RPS6KA2: variants seen among roughly 807,000 people sequenced by gnomAD.
The protein encoded by RPS6KA2 is ribosomal protein S6 kinase alpha-2.
RPS6KA2 carries 42 observed loss-of-function variants against 91.8 expected under a neutral mutation model. The ratio of observed to expected loss-of-function variants is 0.46; its 90% CI spans 0.36 to 0.59. The LOEUF (loss-of-function observed/expected upper bound fraction) is 0.59, where lower values mean the gene tolerates loss of function less well. Ranked by LOEUF, RPS6KA2 falls within the 20% of genes least tolerant of loss-of-function variation. RPS6KA2 has a pLI of 0.00. For synonymous variants in RPS6KA2, 414 were observed against 393.6 expected, an observed-to-expected ratio of 1.05 and a Z score of -0.61; for missense variants, 798 against 978.5, an observed-to-expected ratio of 0.82 and a Z score of 2.46.
At chr6:166,828,313 C>A (rs561580773) in intron 2 of RPS6KA2, among the ~76,000 whole-genome samples, 1 of 152,296 alleles carries the variant, frequency 6.6e-6, no homozygotes, top group East Asian at 1.9e-4. Context: ...GCCCTCCTTT[C>A]CCCTTCCTCC....
At chr6:166,525,792 T>G (rs1400673463) in intron 3 of RPS6KA2, among the ~76,000 whole-genome samples, 3 of 152,338 alleles carry the variant, frequency 2.0e-5, no homozygotes. Context: ...GCTGTTACCA[T>G]GCGTTCCTTC....
chr6:166,594,629 A>G (rs1237378485), intron 1 of RPS6KA2, among the ~76,000 whole-genome samples: 6 of 152,008 alleles, frequency 3.9e-5, no homozygotes, highest in African/African-American at 1.5e-4. Context: ...TGCCCAGCTA[A>G]TTTTTTGTAT....
chr6:166,710,054 C>T (rs900577509), intron 2 of RPS6KA2, among the ~76,000 whole-genome samples: 5 of 152,192 alleles, frequency 3.3e-5, no homozygotes, highest in Non-Finnish European at 5.9e-5. Flanking sequence ...CAAATTGATG[C>T]AACTTAGGTT....
intron 1 of RPS6KA2, among the ~76,000 whole-genome samples, chr6:166,568,477 C>T (rs1266007804): frequency 2.0e-5 from 3 of 151,892 alleles, no homozygotes; most frequent in Admixed American, 6.6e-5. Context: ...ATTAGCCGGT[C>T]GTGGTGGCAG....
intron 2 of RPS6KA2, among the ~76,000 whole-genome samples, chr6:166,638,511 A>G (rs925703994): frequency 4.6e-5 from 7 of 152,274 alleles, no homozygotes; most frequent in Non-Finnish European, 8.8e-5. Flanking sequence ...CATTTATTAA[A>G]GAGCAAATTA....
chr6:166,786,180 C>G (rs1248581477), intron 2 of RPS6KA2, among the ~76,000 whole-genome samples: 2 of 152,126 alleles, frequency 1.3e-5, no homozygotes. Flanking sequence ...GGTGAACAGT[C>G]TCCTTTTATT....
At chr6:166,843,804 G>A (rs1316075238) in intron 2 of RPS6KA2, among the ~76,000 whole-genome samples, 1 of 152,116 alleles carries the variant, frequency 6.6e-6, no homozygotes, top group East Asian at 1.9e-4. Flanking sequence ...CTCAGACATA[G>A]TCTACCCAAA....
At chr6:166,520,067 G>A (rs560224800) in intron 3 of RPS6KA2, among the ~76,000 whole-genome samples, 1 of 152,146 alleles carries the variant, frequency 6.6e-6, no homozygotes, top group Non-Finnish European at 1.5e-5. Flanking sequence ...AAAAGCAGTG[G>A]GAGAGGAATC....
At chr6:166,847,580 G>T (rs1305016658) in intron 2 of RPS6KA2, among the ~76,000 whole-genome samples, 1 of 152,120 alleles carries the variant, frequency 6.6e-6, no homozygotes, top group Admixed American at 6.5e-5. Context: ...AAATGGAAGA[G>T]AATAGAGAAT....
At position 166,666,811 on chromosome 6, in the gene RPS6KA2, T is replaced by C. The variant is rs6935306; in HGVS notation, c.124-128027A>G. ...GGAAAGCAGAGCCTCAAAGAGACAT[T>C]TGTACACTCACATTCATAGCAGCAT... On this transcript the variant is annotated intron_variant, in intron 2 of 21. Coordinates refer to the RPS6KA2 transcript ENST00000503859. This position sits in a 1 kb window ranked among gnomAD's most constrained non-coding sequence, Gnocchi z 4.0. Among the ~76,000 whole-genome samples the C allele has an allele frequency of 0.14, 21,227 of 152,120 alleles. 1,704 individuals are homozygous for C. The highest frequency in any genetic ancestry group is 0.22 in the African/African-American group (9,099 of 41,454).
intron 2 of RPS6KA2, among the ~76,000 whole-genome samples, chr6:166,632,727 C>T (rs567168713): frequency 1.3e-5 from 2 of 152,170 alleles, no homozygotes; most frequent in South Asian, 4.1e-4. Flanking sequence ...AGGAGAAAGA[C>T]CAGAAGACAG....
In RPS6KA2 at chr6:166,530,004, G is replaced by T. The variant is rs1256112965; in HGVS notation, c.298+1228C>A. 4.6e-5 allele frequency among the ~76,000 whole-genome samples: 7 copies of T among 152,210 alleles called. No homozygotes were observed. In the South Asian group the frequency reaches 1.4e-3, roughly 32 times the overall value. ...TGTATACTTAAGTGGTTTAAAGTCT[G>T]TACATATTTGGTCTATGCATTTTTT... On this transcript the variant is annotated intron_variant, in intron 3 of 20. Transcript: ENST00000265678.
chr6:166,862,053 G>A (rs1444824236), intron 1 of RPS6KA2: 24 of 1,610,816 alleles, frequency 1.5e-5, no homozygotes, highest in Non-Finnish European at 2.0e-5. Flanking sequence ...TGCATTGGCT[G>A]CAGAGTTCGG....
rs149954808 is a variant in RPS6KA2, at chr6:166,662,002, C to T, written c.124-123218G>A. 5.2e-3 allele frequency among the ~76,000 whole-genome samples: 793 copies of T among 152,302 alleles called. 9 individuals carry two copies. Among genetic ancestry groups the T allele is most frequent in the Middle Eastern group, 0.017 (5 of 294 alleles). On this transcript the variant is annotated intron_variant, in intron 2 of 21. Coordinates refer to the RPS6KA2 transcript ENST00000503859. The surrounding 1 kb of genome is among the most constrained non-coding windows in gnomAD (Gnocchi z 4.3). ...CAGGATGTTTTACTCCAGTTCAATT[C>T]CTCGTTAACACAAATTCTTAACGGG...
chr6:166,614,611 C>T (rs147071757), intron 1 of RPS6KA2, among the ~76,000 whole-genome samples: 2 of 152,258 alleles, frequency 1.3e-5, no homozygotes, highest in Non-Finnish European at 2.9e-5. Context: ...TCCACAAATT[C>T]AGTGGTTTGA....
intron 1 of RPS6KA2, among the ~76,000 whole-genome samples, chr6:166,600,314 G>A (rs533263020): frequency 1.3e-5 from 2 of 152,332 alleles, no homozygotes; most frequent in East Asian, 3.9e-4. Context: ...CAAGGTTACT[G>A]TTTGGCATCT....
intron 3 of RPS6KA2, among the ~76,000 whole-genome samples, chr6:166,519,703 G>A (rs1240363908): frequency 6.6e-6 from 1 of 152,170 alleles, no homozygotes; most frequent in Non-Finnish European, 1.5e-5. Flanking sequence ...AGATTATCCT[G>A]GCAGGCATAG....
chr6:166,827,278 AAAAAAAAAAT>A (rs1307830010), intron 2 of RPS6KA2, among the ~76,000 whole-genome samples: 1,869 of 134,808 alleles, frequency 0.014, 35 homozygotes, highest in African/African-American at 0.049. Context: ...AAAAAAAAAA[AAAAAAAAAAT>A]GCTTCTGGAA....
intron 12 of RPS6KA2, among the ~76,000 whole-genome samples, chr6:166,453,180 G>A (rs1028594862): frequency 6.9e-6 from 1 of 145,836 alleles, no homozygotes; most frequent in Non-Finnish European, 1.5e-5. Flanking sequence ...CAGCCTGGGC[G>A]ACAGAGTGAG....
Sources: gnomAD v4.1 joint callset for allele counts (sites outside exome capture counted in the v4.1 genomes callset) on GRCh38, gnomAD v4.1.1 for gene constraint, Gnocchi (gnomAD v3.1) non-coding constraint, MANE v1.5 for transcripts, NCBI Gene and HGNC (gene_info 2026-07-23, HGNC 2026-07-21) for gene names.